IQCH: variants seen among roughly 807,000 people sequenced by gnomAD.
The protein encoded by IQCH is IQ motif containing H, also known as IQ domain-containing protein H.
IQCH carries 98 observed loss-of-function variants against 117.0 expected under a neutral mutation model. The ratio of observed to expected loss-of-function variants is 0.84; its 90% CI spans 0.71 to 0.99. The LOEUF is 0.99. Among genes scored for constraint, IQCH ranks in the 50% least tolerant of loss-of-function variants. The probability of loss-of-function intolerance (pLI) is 0.00; values close to 1 mark genes in which losing one functional copy is unlikely to be tolerated. For synonymous variants in IQCH, 412 were observed against 448.2 expected, an observed-to-expected ratio of 0.92 and a Z score of 1.02; for missense variants, 1,102 against 1,243.8, an observed-to-expected ratio of 0.89 and a Z score of 1.72.
intron 20 of IQCH, among the ~76,000 whole-genome samples, chr15:67,499,447 G>A (rs773705353): frequency 9.2e-5 from 14 of 151,762 alleles, no homozygotes; most frequent in Non-Finnish European, 5.9e-5. Context: ...AAATAAAAAG[G>A]CAATAACAAG....
Position 67,465,166 on chromosome 15 carries a change from C to G in IQCH, c.2545C>G (p.Leu849Val), listed in dbSNP as rs1472286879. ...CCTTAACCTCGCATATAGTGACCAG[C>G]TGGCCCTGACTCAACTCACCTTATA... ...TGLNLAYSDQLALTQLTLYLT... is the reference protein window; with the variant it reads ...TGLNLAYSDQVALTQLTLYLT... Residue 849 changes from leucine (L) to valine (V), a missense_variant, in exon 17 of 21, where the codon CTG (leucine) becomes GTG (valine). Around this residue, in one of 2 missense-constraint regions of IQCH, gnomAD observed 650 missense variants for 794.3 expected, o/e 0.82. Coordinates refer to ENST00000335894, the MANE Select transcript of IQCH (RefSeq NM_001031715.3). The surrounding 1 kb of genome is among the most constrained non-coding windows in gnomAD (Gnocchi z 5.9). The G allele has an allele frequency of 7.4e-6, 12 of 1,614,194 alleles. No homozygotes were observed. The highest frequency in any genetic ancestry group is 1.0e-5 in the Non-Finnish European group (12 of 1,180,022).
At chr15:67,367,826 A>T (rs1466866609) in intron 8 of IQCH, among the ~76,000 whole-genome samples, 1 of 152,128 alleles carries the variant, frequency 6.6e-6, no homozygotes, top group Non-Finnish European at 1.5e-5. Flanking sequence ...TATAGTACTT[A>T]TTCTCCTTCC....
chr15:67,264,822 T>C (rs1965602074), intron 3 of IQCH, among the ~76,000 whole-genome samples: 1 of 151,980 alleles, frequency 6.6e-6, no homozygotes, highest in Non-Finnish European at 1.5e-5. Context: ...ATGATCCAGC[T>C]ATGTTAGCTC....
At chr15:67,329,530 G>A (rs1351257525) in intron 4 of IQCH, among the ~76,000 whole-genome samples, 1 of 152,080 alleles carries the variant, frequency 6.6e-6, no homozygotes, top group Admixed American at 6.6e-5. Flanking sequence ...GGAATGTAGT[G>A]GCATAATCAT....
chr15:67,329,312 AATGT>A (rs1473329835), intron 4 of IQCH, among the ~76,000 whole-genome samples: 1 of 151,528 alleles, frequency 6.6e-6, no homozygotes, highest in Non-Finnish European at 1.5e-5. Flanking sequence ...AAAAAAAAAA[AATGT>A]TGTACTTCAA....
At chr15:67,397,069 C>T (rs747280443) in intron 13 of IQCH, among the ~76,000 whole-genome samples, 10 of 152,178 alleles carry the variant, frequency 6.6e-5, no homozygotes, top group Non-Finnish European at 1.3e-4. Flanking sequence ...AGGTAGATTG[C>T]TTGACTCTGC....
At chr15:67,306,988 A>T in intron 4 of IQCH, 1 of 1,376,790 alleles carries the variant, frequency 7.3e-7, no homozygotes. Flanking sequence ...GTTTCTTAAA[A>T]GGCTTGAAAC....
intron 8 of IQCH, among the ~76,000 whole-genome samples, chr15:67,368,455 G>A (rs892188833): frequency 3.9e-5 from 6 of 152,120 alleles, no homozygotes; most frequent in Non-Finnish European, 5.9e-5. Flanking sequence ...AGCATCCCTG[G>A]TCTTTGAGAA....
chr15:67,263,286 A>G (rs577807123), intron 3 of IQCH, 70 bp downstream of exon 3: 3 of 787,222 alleles, frequency 3.8e-6, no homozygotes, highest in East Asian at 4.9e-5. Context: ...CTCAAGTGAG[A>G]TGACTATAAA....
In IQCH at chr15:67,466,605, A is replaced by G. The variant is rs543913566; in HGVS notation, c.2676+1308A>G. 2.6e-5 allele frequency: 4 copies of G among 152,358 alleles called. No individual in the cohort carries two copies. Among genetic ancestry groups the G allele is most frequent in the African/African-American group, 7.2e-5 (3 of 41,540 alleles). The allele number at this position is 152,358 out of a possible 1,614,324, so 9.4% of individuals were successfully genotyped here. A position where few individuals can be genotyped will look rare whatever the true frequency, so the allele number is the denominator to read the frequency against. The stretch of plus-strand genomic sequence containing the variant: ...GCAGTCACCATAAGGAGGGCACCTG[A>G]TGTCTTGGGGGGCTCAGGCAGCTTT... On this transcript the variant is annotated intron_variant, in intron 17 of 20. Transcript: ENST00000335894. This position sits in a 1 kb window ranked among gnomAD's most constrained non-coding sequence, Gnocchi z 4.4.
intron 4 of IQCH, among the ~76,000 whole-genome samples, chr15:67,317,620 G>A (rs1967909920): frequency 3.3e-5 from 5 of 152,154 alleles, no homozygotes; most frequent in Non-Finnish European, 5.9e-5. Flanking sequence ...ACCTTGAATT[G>A]AAAAGGGACT....
chr15:67,455,198 A>T (rs1275783503), intron 16 of IQCH, among the ~76,000 whole-genome samples: 1 of 152,176 alleles, frequency 6.6e-6, no homozygotes, highest in Non-Finnish European at 1.5e-5. Flanking sequence ...GGGCACTACT[A>T]ATATCAGGAG....
At chr15:67,304,602 T>C (rs1363218790) in intron 4 of IQCH, 1 of 453,892 alleles carries the variant, frequency 2.2e-6, no homozygotes, top group African/African-American at 2.0e-5. Flanking sequence ...GCTCTCATTC[T>C]GTTTATAATT....
chr15:67,316,315 C>T (rs975945), intron 4 of IQCH, among the ~76,000 whole-genome samples: 2,259 of 152,278 alleles, frequency 0.015, 56 homozygotes, highest in African/African-American at 0.048. Context: ...ATATCTAATA[C>T]TGGGTTAGTT....
rs765012111 is a variant in IQCH, at chr15:67,254,847, C to G, written c.-50C>G. The G allele has an allele frequency of 1.9e-5, 30 of 1,585,878 alleles. No homozygotes were observed. The highest frequency in any genetic ancestry group is 3.4e-5 in the South Asian group (3 of 88,818). ...ACGAGCGGCTCCGGCTGAAGGTTTC[C>G]GTGCTTGGAAACCGCGCCTCCGCGG... On this transcript the variant is annotated 5_prime_UTR_variant, in exon 1 of 21. Transcript: ENST00000335894.
At chr15:67,312,092 T>C (rs1006302746) in intron 4 of IQCH, among the ~76,000 whole-genome samples, 1 of 152,168 alleles carries the variant, frequency 6.6e-6, no homozygotes, top group Non-Finnish European at 1.5e-5. Context: ...GATTACATAC[T>C]GAGAGATAGT....
Position 67,384,800 on chromosome 15 carries a change from T to G in IQCH, c.1373-136T>G. On this transcript the variant is annotated intron_variant, in intron 10 of 20. Coordinates refer to ENST00000335894, the MANE Select transcript of IQCH (RefSeq NM_001031715.3). This position sits in a 1 kb window ranked among gnomAD's most constrained non-coding sequence, Gnocchi z 4.3. ...GAAACAAGCACCTCATTCTTCGGGA[T>G]TGGGTTGTTTCTGTAAGATGCTTCA... The G allele has an allele frequency of 6.4e-6, 4 of 621,192 alleles. No individual in the cohort carries two copies. Among genetic ancestry groups the G allele is most frequent in the East Asian group, 2.8e-5 (1 of 35,604 alleles). The allele number at this position is 621,192 out of a possible 1,614,324, so 38.5% of individuals were successfully genotyped here.
intron 3 of IQCH, among the ~76,000 whole-genome samples, chr15:67,265,433 A>T (rs1460707647): frequency 1.3e-5 from 2 of 152,160 alleles, no homozygotes; most frequent in Non-Finnish European, 2.9e-5. Context: ...GAAGATGGGG[A>T]GCCTGTCAAG....
At chr15:67,357,508 T>C in intron 7 of IQCH, 87 bp downstream of exon 7, 3 of 864,676 alleles carry the variant, frequency 3.5e-6, no homozygotes, top group Non-Finnish European at 5.9e-6. Flanking sequence ...CGTTATTGAG[T>C]TGTACCTTCA....
Sources: allele counts gnomAD v4.1 joint callset (sites outside exome capture counted in the v4.1 genomes callset), GRCh38; gene constraint gnomAD v4.1.1; regional missense constraint gnomAD v4.1.1; non-coding constraint Gnocchi (gnomAD v3.1); transcripts MANE v1.5; gene names NCBI Gene and HGNC (gene_info 2026-07-23, HGNC 2026-07-21).